Variants in TSHZ2 observed in about 807,000 individuals in gnomAD.
The protein encoded by TSHZ2 is teashirt homolog 2.
A neutral mutation model predicts 74.4 loss-of-function variants in TSHZ2; 21 were observed. The observed-to-expected ratio is 0.28, with a 90% confidence interval of 0.20 to 0.41. The LOEUF (loss-of-function observed/expected upper bound fraction) is 0.41. TSHZ2 is among the 10% of genes least tolerant of loss of function. TSHZ2 has a pLI of 1.00. For synonymous variants in TSHZ2, 540 were observed against 515.3 expected, an observed-to-expected ratio of 1.05 and a Z score of -0.65; for missense variants, 1,244 against 1,293.5, an observed-to-expected ratio of 0.96 and a Z score of 0.59.
In TSHZ2 at chr20:53,488,835, T is replaced by TA. The variant is rs11481015; in HGVS notation, c.*1715dup. The TA allele has an allele frequency of 0.3, 91,379 of 300,458 alleles. 6,058 individuals are homozygous for TA. Among genetic ancestry groups the TA allele is most frequent in the Non-Finnish European group, 0.35 (54,265 of 153,980 alleles). 18.6% of individuals were successfully genotyped at this position (300,458 alleles called of 1,614,324 possible). A position where few individuals can be genotyped will look rare whatever the true frequency, so the allele number is the denominator to read the frequency against. ...TGATCCCTAAATTCAACATTGGGAT[T>TA]AAAAAAAAAAAAAAACTTCTTATTT... On this transcript the variant is annotated 3_prime_UTR_variant, in exon 3 of 3. Transcript: ENST00000371497.
At chr20:53,246,605 G>A (rs928131167) in intron 1 of TSHZ2, among the ~76,000 whole-genome samples, 1 of 152,178 alleles carries the variant, frequency 6.6e-6, no homozygotes, top group Non-Finnish European at 1.5e-5. Flanking sequence ...GGCCTTGGAA[G>A]ACCCACTGTG....
rs568037320 is a variant in TSHZ2, at chr20:53,302,958, G to A, written c.*8+46387G>A. On this transcript the variant is annotated intron_variant, in intron 2 of 2. Coordinates refer to ENST00000371497, the MANE Select transcript of TSHZ2 (RefSeq NM_173485.6). ...AGAAAGTCATAGCTAATTTCCACAC[G>A]CTTGCCCACAAAGGTGGTGAAAATA... Among the ~76,000 whole-genome samples the A allele has an allele frequency of 3.3e-4, 50 of 152,260 alleles. 1 individual carries two copies. Among genetic ancestry groups the A allele is most frequent in the African/African-American group, 9.9e-4 (41 of 41,554 alleles).
intron 1 of TSHZ2, among the ~76,000 whole-genome samples, chr20:53,073,325 A>C (rs767676924): frequency 9.4e-5 from 11 of 116,474 alleles, no homozygotes; most frequent in East Asian, 2.6e-4. Context: ...TCCATCCCTT[A>C]ATCCATTCAT....
intron 2 of TSHZ2, among the ~76,000 whole-genome samples, chr20:53,306,768 ATTTAT>A (rs373094325): frequency 2.9e-4 from 44 of 150,856 alleles, no homozygotes; most frequent in South Asian, 1.2e-3. Context: ...TCAGATGAAC[ATTTAT>A]TTTATTAATA....
intron 2 of TSHZ2, among the ~76,000 whole-genome samples, chr20:53,304,446 G>A (rs1015423112): frequency 1.3e-5 from 2 of 151,792 alleles, no homozygotes; most frequent in African/African-American, 4.8e-5. Context: ...CATGATGCTT[G>A]TTTCCTTCCT....
intron 1 of TSHZ2, among the ~76,000 whole-genome samples, chr20:53,038,678 A>G (rs1010806994): frequency 2.6e-5 from 4 of 152,074 alleles, no homozygotes; most frequent in Non-Finnish European, 5.9e-5. Context: ...CCGCTTTTTA[A>G]CACATGTTGC....
intron 2 of TSHZ2, among the ~76,000 whole-genome samples, chr20:53,307,203 G>C (rs887578503): frequency 6.6e-6 from 1 of 152,124 alleles, no homozygotes; most frequent in South Asian, 2.1e-4. Context: ...GCTCCTCCCA[G>C]GCTGCAACTT....
chr20:53,269,430 T>G (rs1990785479), intron 2 of TSHZ2, among the ~76,000 whole-genome samples: 1 of 152,198 alleles, frequency 6.6e-6, no homozygotes, highest in Admixed American at 6.5e-5. Flanking sequence ...TCCCTCCAAC[T>G]TTCCCATTCT....
intron 1 of TSHZ2, among the ~76,000 whole-genome samples, chr20:53,014,223 A>G (rs1162174743): frequency 6.7e-6 from 1 of 150,368 alleles, no homozygotes; most frequent in African/African-American, 2.5e-5. Context: ...GAGAGAGAGA[A>G]GAGAGCGAGT....
chr20:53,388,947 G>C (rs1269861459), intron 2 of TSHZ2, among the ~76,000 whole-genome samples: 1 of 152,144 alleles, frequency 6.6e-6, no homozygotes, highest in Admixed American at 6.5e-5. Flanking sequence ...TACATGCCAG[G>C]TACAATATTT....
intron 2 of TSHZ2, among the ~76,000 whole-genome samples, chr20:53,325,850 C>T (rs1041249430): frequency 9.9e-5 from 15 of 152,108 alleles, no homozygotes; most frequent in African/African-American, 3.6e-4. Flanking sequence ...GGCACGATCT[C>T]GGCTCACTGC....
intron 2 of TSHZ2, among the ~76,000 whole-genome samples, chr20:53,364,961 G>T (rs571470944): frequency 6.6e-6 from 1 of 152,230 alleles, no homozygotes; most frequent in East Asian, 1.9e-4. Context: ...TCCTTGTAAC[G>T]CGTGGAGGCA....
chr20:53,212,479 G>A (rs1989335323), intron 1 of TSHZ2, among the ~76,000 whole-genome samples: 1 of 152,148 alleles, frequency 6.6e-6, no homozygotes, highest in Non-Finnish European at 1.5e-5. Flanking sequence ...AGATGTGATG[G>A]ACATTCGTTC....
intron 2 of TSHZ2, among the ~76,000 whole-genome samples, chr20:53,445,832 T>C (rs530443236): frequency 2.8e-4 from 42 of 152,324 alleles, no homozygotes; most frequent in African/African-American, 9.4e-4. Flanking sequence ...TTTGTTAGCT[T>C]TGGACCTTGT....
chr20:53,271,070 A>C (rs1180244607), intron 2 of TSHZ2, among the ~76,000 whole-genome samples: 1 of 152,142 alleles, frequency 6.6e-6, no homozygotes, highest in African/African-American at 2.4e-5. Context: ...TCATCCCAGA[A>C]ATGTAAGAGG....
At chr20:53,296,602 T>C (rs900433442) in intron 2 of TSHZ2, among the ~76,000 whole-genome samples, 1 of 152,226 alleles carries the variant, frequency 6.6e-6, no homozygotes, top group Non-Finnish European at 1.5e-5. Flanking sequence ...CTCTGGACTA[T>C]CTTTGTCCTT....
chr20:53,045,186 G>A (rs1984183429), intron 1 of TSHZ2, among the ~76,000 whole-genome samples: 1 of 152,136 alleles, frequency 6.6e-6, no homozygotes, highest in Non-Finnish European at 1.5e-5. Flanking sequence ...GCCACCATCT[G>A]ACACCAGCAT....
At chr20:53,329,797 T>C (rs779621846) in intron 2 of TSHZ2, among the ~76,000 whole-genome samples, 1 of 151,824 alleles carries the variant, frequency 6.6e-6, no homozygotes, top group Non-Finnish European at 1.5e-5. Flanking sequence ...CTAATAGGCA[T>C]CCACTGGAGG....
At chr20:53,273,086 G>A (rs1377904287) in intron 2 of TSHZ2, among the ~76,000 whole-genome samples, 1 of 152,208 alleles carries the variant, frequency 6.6e-6, no homozygotes, top group Admixed American at 6.5e-5. Context: ...GAGAAAGGCC[G>A]GAGTGTCATG....
Sources: allele counts gnomAD v4.1 joint callset (sites outside exome capture counted in the v4.1 genomes callset), GRCh38; gene constraint gnomAD v4.1.1; transcripts MANE v1.5; gene names NCBI Gene and HGNC (gene_info 2026-07-23, HGNC 2026-07-21).